CAST: variants seen among roughly 807,000 people sequenced by gnomAD.
CAST encodes the protein calpastatin.
In CAST, 76 loss-of-function variants were observed where a neutral mutation model predicts 119.6. The ratio of observed to expected loss-of-function variants is 0.64; its 90% confidence interval spans 0.53 to 0.77. CAST has a LOEUF of 0.77. Among genes scored for constraint, CAST ranks in the 30% least tolerant of loss-of-function variants. CAST has a pLI of 0.00. For synonymous variants in CAST, 319 were observed against 331.6 expected, an observed-to-expected ratio of 0.96 and a Z score of 0.41; for missense variants, 953 against 946.5, an observed-to-expected ratio of 1.01 and a Z score of -0.09.
the CAST span, among the ~76,000 whole-genome samples, chr5:96,371,703 C>T: frequency 6.6e-6 from 1 of 152,100 alleles, no homozygotes; most frequent in Non-Finnish European, 1.5e-5. Flanking sequence ...TCAATAAATA[C>T]CCATTGGTTG....
the CAST span, among the ~76,000 whole-genome samples, chr5:96,337,852 A>C: frequency 6.6e-6 from 1 of 152,238 alleles, no homozygotes; most frequent in African/African-American, 2.4e-5. Flanking sequence ...GTCTTTACAA[A>C]GTCCTCTGGG....
At chr5:96,167,386 T>C in the CAST span, among the ~76,000 whole-genome samples, 1 of 152,108 alleles carries the variant, frequency 6.6e-6, no homozygotes, top group African/African-American at 2.4e-5. Flanking sequence ...GACAAGTTTT[T>C]TGGGGCGCAG....
intron 9 of CAST, among the ~76,000 whole-genome samples, chr5:96,733,585 TAA>T (rs1761023443): frequency 6.6e-6 from 1 of 152,194 alleles, no homozygotes; most frequent in Non-Finnish European, 1.5e-5. Flanking sequence ...CTTCTCCCAT[TAA>T]ATAGGATTTA....
the CAST span, among the ~76,000 whole-genome samples, chr5:96,451,348 G>GA: frequency 2.6e-5 from 4 of 152,178 alleles, no homozygotes; most frequent in East Asian, 5.8e-4. Context: ...GTGCCTTTCA[G>GA]AAAAAATCCT....
the CAST span, among the ~76,000 whole-genome samples, chr5:96,306,962 A>G: frequency 6.6e-6 from 1 of 152,180 alleles, no homozygotes; most frequent in East Asian, 1.9e-4. Flanking sequence ...GATGTCTATT[A>G]GGTTGGCTTG....
chr5:96,077,827 A>G, the CAST span, among the ~76,000 whole-genome samples: 1 of 152,278 alleles, frequency 6.6e-6, no homozygotes, highest in African/African-American at 2.4e-5. Flanking sequence ...AAGCCAAATA[A>G]ACCCCTTTTC....
chr5:96,746,632 A>G (rs1372492952), intron 17 of CAST, among the ~76,000 whole-genome samples: 1 of 152,232 alleles, frequency 6.6e-6, no homozygotes, highest in African/African-American at 2.4e-5. Context: ...AGTAGTGACC[A>G]TGTGTTCATT....
the CAST span, among the ~76,000 whole-genome samples, chr5:96,263,184 A>G: frequency 4.6e-5 from 7 of 152,264 alleles, no homozygotes; most frequent in South Asian, 1.2e-3. Context: ...AAGTGATTCT[A>G]ATGTGCAGAC....
the CAST span, chr5:96,425,728 TAAAAAA>T: frequency 3.1e-6 from 2 of 655,146 alleles, no homozygotes; most frequent in Admixed American, 2.4e-5. Flanking sequence ...TTCTCCATCA[TAAAAAA>T]AAAAAAAAAT....
At chr5:96,616,121 C>T (rs918315958) in intron 1 of CAST, among the ~76,000 whole-genome samples, 8 of 152,298 alleles carry the variant, frequency 5.3e-5, no homozygotes, top group Admixed American at 6.5e-5. Context: ...TCTGTCTTTC[C>T]GAGCCCACTG....
At chr5:96,760,106 A>T (rs1561599613) in intron 24 of CAST, among the ~76,000 whole-genome samples, 1 of 152,034 alleles carries the variant, frequency 6.6e-6, no homozygotes, top group South Asian at 2.1e-4. Context: ...GTCATGAAAA[A>T]GATGGGGTCA....
the CAST span, among the ~76,000 whole-genome samples, chr5:96,056,150 C>G: frequency 6.6e-6 from 1 of 152,034 alleles, no homozygotes; most frequent in Non-Finnish European, 1.5e-5. Flanking sequence ...TGAAATTTTT[C>G]TATAAACTCA....
At chr5:96,015,082 C>T in the CAST span, among the ~76,000 whole-genome samples, 1 of 152,142 alleles carries the variant, frequency 6.6e-6, no homozygotes, top group African/African-American at 2.4e-5. Context: ...TAAGTAACTT[C>T]TCTCAGTTCA....
the CAST span, among the ~76,000 whole-genome samples, chr5:96,141,645 G>T: frequency 2.0e-5 from 3 of 152,128 alleles, no homozygotes; most frequent in Non-Finnish European, 2.9e-5. Context: ...TATCTCTATT[G>T]CTATGTATAG....
At chr5:96,101,429 C>T in the CAST span, among the ~76,000 whole-genome samples, 3 of 152,092 alleles carry the variant, frequency 2.0e-5, no homozygotes, top group Non-Finnish European at 4.4e-5. Context: ...ACTGGCTTCC[C>T]ATCAGTCATG....
the CAST span, among the ~76,000 whole-genome samples, chr5:96,518,740 A>T: frequency 3.9e-5 from 6 of 152,306 alleles, no homozygotes; most frequent in Middle Eastern, 3.4e-3. Flanking sequence ...GTCTTAAAGA[A>T]TCGCTGTGAG....
At chr5:96,180,562 A>C in the CAST span, among the ~76,000 whole-genome samples, 1 of 152,240 alleles carries the variant, frequency 6.6e-6, no homozygotes, top group Non-Finnish European at 1.5e-5. Flanking sequence ...AACTGCTTAG[A>C]AAATGGACAA....
intron 1 of CAST, among the ~76,000 whole-genome samples, chr5:96,559,496 C>T (rs1280018598): frequency 2.6e-5 from 4 of 152,180 alleles, no homozygotes; most frequent in Non-Finnish European, 5.9e-5. Context: ...AGCTGATAAG[C>T]AACTTCAGCA....
the CAST span, among the ~76,000 whole-genome samples, chr5:96,491,891 T>C: frequency 6.6e-6 from 1 of 152,230 alleles, no homozygotes; most frequent in African/African-American, 2.4e-5. Context: ...AGATGCAACC[T>C]TGTACATAGT....
Sources: allele counts gnomAD v4.1 joint callset (sites outside exome capture counted in the v4.1 genomes callset), GRCh38; gene constraint gnomAD v4.1.1; transcripts MANE v1.5; gene names NCBI Gene and HGNC (gene_info 2026-07-23, HGNC 2026-07-21).